UGT2A1: variants seen among roughly 807,000 people sequenced by gnomAD.
UGT2A1 encodes the protein UDP-glucuronosyltransferase 2A1.
Under a neutral mutation model 45.4 loss-of-function variants are expected in UGT2A1, and 61 were observed. The observed-to-expected ratio is 1.34, with a 90% confidence interval of 1.09 to 1.66. The LOEUF (loss-of-function observed/expected upper bound fraction) is 1.66. Among genes scored for constraint, UGT2A1 ranks in the 40% most tolerant of loss-of-function variants. UGT2A1 has a pLI of 0.00. For synonymous variants in UGT2A1, 229 were observed against 196.2 expected (o/e 1.17, Z -1.40); for missense variants, 649 against 574.3 (o/e 1.13, Z -1.33).
chr4:69,604,303 T>C (rs1157210162), intron 3 of UGT2A1, among the ~76,000 whole-genome samples: 1 of 131,058 alleles, frequency 7.6e-6, no homozygotes, highest in African/African-American at 3.1e-5. Flanking sequence ...CAGAATTTCA[T>C]ATCTAGCCAA....
Position 69,594,691 on chromosome 4 carries a change from G to A in UGT2A1, c.1090C>T (p.Pro364Ser), listed in dbSNP as rs1718813734. ...TGAGTGATAAAAGCTTTGGTTTTGG[G>A]ATGTCCTAATTTGAGGATGGAGTGA... is the stretch of plus-strand genomic sequence containing the variant. ...WIPQNDLLGH[P>S]KTKAFITHGG... The change falls in exon 6 of 7, where the codon CCC becomes TCC. Residue 364 changes from proline (P) to serine (S), a missense_variant. By Grantham distance (74) the Pro-to-Ser change is moderately conservative. Coordinates refer to ENST00000286604, the MANE Select transcript of UGT2A1 (RefSeq NM_001252275.3). 1 of 1,613,098 alleles carries A rather than the reference G, an allele frequency of 6.2e-7. No individual in the cohort carries two copies. Among genetic ancestry groups the A allele is most frequent in the Non-Finnish European group, 8.5e-7 (1 of 1,179,526 alleles).
At chr4:69,610,529 A>G (rs1055228718) in intron 3 of UGT2A1, among the ~76,000 whole-genome samples, 1 of 152,208 alleles carries the variant, frequency 6.6e-6, no homozygotes, top group Non-Finnish European at 1.5e-5. Flanking sequence ...ACTTTAAATA[A>G]TCTGTTTTAA....
At chr4:69,594,421 G>C in intron 6 of UGT2A1, 56 bp downstream of exon 6, 1 of 1,574,436 alleles carries the variant, frequency 6.4e-7, no homozygotes, top group Non-Finnish European at 8.6e-7. Context: ...ACATTTTCTG[G>C]TATTATGAAT....
intron 4 of UGT2A1, chr4:69,596,419 C>T (rs1191209713): frequency 1.4e-6 from 2 of 1,453,328 alleles, no homozygotes; most frequent in South Asian, 3.1e-5. Context: ...AAAGGTGTAG[C>T]ATCATAAGAA....
In UGT2A1 at chr4:69,589,358, C is replaced by T. The variant is rs1718444764; in HGVS notation, c.*14G>A. The T allele has an allele frequency of 1.3e-6, 2 of 1,596,604 alleles. No homozygotes were observed. The highest frequency in any genetic ancestry group is 1.4e-5 in the African/African-American group (1 of 73,884). On this transcript the variant is annotated 3_prime_UTR_variant, in exon 7 of 7. Coordinates refer to ENST00000286604, the MANE Select transcript of UGT2A1 (RefSeq NM_001252275.3). ...CCAAACTTAAAAATATATATATTTC[C>T]TCTTTTTCTTGACCTATTCTCTTTT... is the stretch of plus-strand genomic sequence containing the variant.
chr4:69,600,072 C>A (rs1327808032), intron 3 of UGT2A1, among the ~76,000 whole-genome samples: 1 of 152,022 alleles, frequency 6.6e-6, no homozygotes, highest in African/African-American at 2.4e-5. Flanking sequence ...AACCATAAAC[C>A]CTTTGAAAAA....
intron 3 of UGT2A1, among the ~76,000 whole-genome samples, chr4:69,616,808 C>G (rs1381135689): frequency 6.8e-6 from 1 of 145,998 alleles, no homozygotes; most frequent in Non-Finnish European, 1.5e-5. Context: ...ATGACACTTT[C>G]TAAATTTCTC....
At chr4:69,628,926 T>C (rs575555136) in intron 3 of UGT2A1, among the ~76,000 whole-genome samples, 152 of 151,888 alleles carry the variant, frequency 1.0e-3, no homozygotes, top group Non-Finnish European at 1.9e-3. Context: ...TCTTTCAATT[T>C]CCCTCAGCTA....
intron 1 of UGT2A1, among the ~76,000 whole-genome samples, chr4:69,652,495 T>A (rs1578014958): frequency 6.6e-6 from 1 of 152,000 alleles, no homozygotes; most frequent in African/African-American, 2.4e-5. Context: ...GGTCTTGAAC[T>A]TCTGACCAGA....
At chr4:69,603,516 T>G (rs1205368092) in intron 3 of UGT2A1, 1 of 136,338 alleles carries the variant, frequency 7.3e-6, no homozygotes, top group East Asian at 2.1e-4. Flanking sequence ...GTGCCTCTCC[T>G]CCTCCAAAGG....
At chr4:69,644,424 G>A (rs112430587) in intron 2 of UGT2A1, among the ~76,000 whole-genome samples, 112 of 151,796 alleles carry the variant, frequency 7.4e-4, no homozygotes, top group African/African-American at 2.6e-3. Flanking sequence ...GACGGTCTAT[G>A]TACATTCCGC....
chr4:69,602,344 G>A (rs1347677830), intron 3 of UGT2A1, among the ~76,000 whole-genome samples: 1 of 136,872 alleles, frequency 7.3e-6, no homozygotes, highest in Non-Finnish European at 1.6e-5. Context: ...AATAGTAAGA[G>A]CATTCTTATC....
intron 2 of UGT2A1, among the ~76,000 whole-genome samples, chr4:69,642,462 A>G (rs1722089775): frequency 6.6e-6 from 1 of 151,758 alleles, no homozygotes. Context: ...AAAAAAAGGA[A>G]GACCTAAGTA....
At chr4:69,643,694 A>T (rs1054168420) in intron 2 of UGT2A1, among the ~76,000 whole-genome samples, 10 of 151,598 alleles carry the variant, frequency 6.6e-5, no homozygotes, top group African/African-American at 1.9e-4. Flanking sequence ...GAGATTAAGG[A>T]CTCACTCTGA....
intron 2 of UGT2A1, chr4:69,639,411 G>A: frequency 6.2e-7 from 1 of 1,613,314 alleles, no homozygotes; most frequent in Non-Finnish European, 8.5e-7. Flanking sequence ...AAAATTCACA[G>A]GAGAATCGGG....
intron 6 of UGT2A1, among the ~76,000 whole-genome samples, chr4:69,593,511 G>A (rs1718706203): frequency 6.6e-6 from 1 of 150,798 alleles, no homozygotes; most frequent in South Asian, 2.1e-4. Flanking sequence ...AAAAAAATAA[G>A]ACACAATATA....
At chr4:69,617,812 A>T (rs184299744) in intron 3 of UGT2A1, among the ~76,000 whole-genome samples, 3 of 152,074 alleles carry the variant, frequency 2.0e-5, no homozygotes, top group African/African-American at 7.2e-5. Flanking sequence ...TTGAAATAAA[A>T]TATAACTAGG....
chr4:69,595,075 A>C (rs1017949382), intron 5 of UGT2A1, 87 bp downstream of exon 5: 2 of 1,495,698 alleles, frequency 1.3e-6, no homozygotes, highest in South Asian at 2.4e-5. Flanking sequence ...TAAATTATTA[A>C]AAATGTATTG....
In UGT2A1 at chr4:69,639,601, C is replaced by A. The variant is rs575428164; in HGVS notation, c.716-3779G>T. On this transcript the variant is annotated intron_variant, in intron 2 of 6. Coordinates refer to ENST00000286604, the MANE Select transcript of UGT2A1 (RefSeq NM_001252275.3). ...GTCAAATTAAAAACCAGCATCTGGA[C>A]AAACTTCTTAGGCATGGTAAAATCC... 2.6e-5 allele frequency: 41 copies of A among 1,606,124 alleles called. No homozygotes were observed. The highest frequency in any genetic ancestry group is 3.3e-5 in the Non-Finnish European group (39 of 1,176,852).
Sources: allele counts gnomAD v4.1 joint callset (sites outside exome capture counted in the v4.1 genomes callset), GRCh38; gene constraint gnomAD v4.1.1; transcripts MANE v1.5; gene names NCBI Gene and HGNC (gene_info 2026-07-23, HGNC 2026-07-21).